Variants in CENPW observed in about 807,000 individuals in gnomAD.
CENPW encodes the protein cancer-up-regulated gene 2 protein.
In CENPW, 3 loss-of-function variants were observed where a neutral mutation model predicts 11.1. That is an observed-to-expected ratio of 0.27 (90% CI 0.12 to 0.70). The LOEUF is 0.70. CENPW is among the 30% of genes least tolerant of loss of function. The pLI, the probability that CENPW is intolerant of heterozygous loss-of-function variation, is 0.77. For synonymous variants in CENPW, 38 were observed against 42.0 expected (o/e 0.91, Z 0.37); for missense variants, 100 against 105.6 (o/e 0.95, Z 0.23).
the CENPW span, among the ~76,000 whole-genome samples, chr6:126,435,231 G>T: frequency 6.6e-6 from 1 of 151,438 alleles, no homozygotes; most frequent in Non-Finnish European, 1.5e-5. Flanking sequence ...GTTATTTCTT[G>T]GCCTCTGGAA....
the CENPW span, among the ~76,000 whole-genome samples, chr6:126,471,328 A>T: frequency 2.6e-5 from 4 of 152,110 alleles, no homozygotes; most frequent in African/African-American, 7.2e-5. Context: ...TCATGTGAAG[A>T]AGGTGCCTGC....
chr6:126,415,722 T>C, the CENPW span, among the ~76,000 whole-genome samples: 1 of 152,252 alleles, frequency 6.6e-6, no homozygotes, highest in East Asian at 1.9e-4. Flanking sequence ...AAGGGGAGTT[T>C]CCCTGCATAC....
At chr6:126,414,799 TA>T in the CENPW span, among the ~76,000 whole-genome samples, 35 of 146,660 alleles carry the variant, frequency 2.4e-4, no homozygotes, top group East Asian at 2.4e-3. Flanking sequence ...AAAATAAAAC[TA>T]AAAAAAAAGA....
At chr6:126,447,898 C>G in the CENPW span, among the ~76,000 whole-genome samples, 92 of 151,378 alleles carry the variant, frequency 6.1e-4, no homozygotes, top group South Asian at 0.019. Context: ...ATTCACTGTT[C>G]CACTTCTTGT....
At chr6:126,383,098 A>G in the CENPW span, among the ~76,000 whole-genome samples, 1 of 152,200 alleles carries the variant, frequency 6.6e-6, no homozygotes, top group Non-Finnish European at 1.5e-5. Flanking sequence ...CACAAGTCAG[A>G]AGAGATTGGG....
chr6:126,343,588 T>C (rs1780353463), intron 1 of CENPW, among the ~76,000 whole-genome samples: 1 of 152,126 alleles, frequency 6.6e-6, no homozygotes. Context: ...CAGCCTTCAG[T>C]CTGTGGTCGA....
At chr6:126,422,782 A>C in the CENPW span, among the ~76,000 whole-genome samples, 2 of 152,090 alleles carry the variant, frequency 1.3e-5, no homozygotes, top group African/African-American at 4.8e-5. Context: ...CTTCACCTGA[A>C]AACGTGCCTT....
the CENPW span, among the ~76,000 whole-genome samples, chr6:126,458,134 G>A: frequency 6.4e-4 from 96 of 151,130 alleles, no homozygotes; most frequent in African/African-American, 2.2e-3. Context: ...GCTTTCTTTC[G>A]CTTGTTTTAC....
chr6:126,386,713 C>T, the CENPW span, among the ~76,000 whole-genome samples: 2 of 151,864 alleles, frequency 1.3e-5, no homozygotes, highest in Non-Finnish European at 1.5e-5. Flanking sequence ...TTTATTCCCC[C>T]TCCACTGCCC....
chr6:126,403,583 G>A, the CENPW span, among the ~76,000 whole-genome samples: 1 of 152,104 alleles, frequency 6.6e-6, no homozygotes, highest in Non-Finnish European at 1.5e-5. Flanking sequence ...AGCTGTAGAG[G>A]AAAAGTTTGA....
chr6:126,360,098 C>T, the CENPW span, among the ~76,000 whole-genome samples: 2 of 152,168 alleles, frequency 1.3e-5, no homozygotes, highest in Admixed American at 1.3e-4. Context: ...CCCTTAAAGA[C>T]ATCTTATAAG....
chr6:126,408,239 A>C, the CENPW span, among the ~76,000 whole-genome samples: 1 of 152,188 alleles, frequency 6.6e-6, no homozygotes, highest in Non-Finnish European at 1.5e-5. Flanking sequence ...TAAAGAAAAC[A>C]TACTCAAGAC....
the CENPW span, among the ~76,000 whole-genome samples, chr6:126,398,060 G>T: frequency 3.3e-5 from 5 of 152,244 alleles, no homozygotes; most frequent in African/African-American, 1.2e-4. Flanking sequence ...GTGCATTCCA[G>T]TTTTTCTCAG....
the CENPW span, among the ~76,000 whole-genome samples, chr6:126,435,502 G>T: frequency 2.6e-5 from 4 of 151,770 alleles, no homozygotes; most frequent in Admixed American, 6.6e-5. Context: ...TATAGAAGGA[G>T]AAATTTGGGA....
At chr6:126,406,707 A>T in the CENPW span, among the ~76,000 whole-genome samples, 1 of 151,644 alleles carries the variant, frequency 6.6e-6, no homozygotes, top group African/African-American at 2.4e-5. Flanking sequence ...CAAAAATTAG[A>T]CAGGTGTGGT....
At chr6:126,402,804 T>G in the CENPW span, among the ~76,000 whole-genome samples, 1 of 152,116 alleles carries the variant, frequency 6.6e-6, no homozygotes, top group Non-Finnish European at 1.5e-5. Flanking sequence ...TTATTAATAA[T>G]GCTGCTATGA....
chr6:126,398,489 G>A, the CENPW span, among the ~76,000 whole-genome samples: 1 of 151,922 alleles, frequency 6.6e-6, no homozygotes, highest in Non-Finnish European at 1.5e-5. Flanking sequence ...ATATAAGATG[G>A]CATAGTATTT....
At chr6:126,392,800 CTGG>C in the CENPW span, among the ~76,000 whole-genome samples, 1 of 151,914 alleles carries the variant, frequency 6.6e-6, no homozygotes, top group Non-Finnish European at 1.5e-5. Context: ...CAGGGTAATA[CTGG>C]TCTCATAGAA....
the CENPW span, among the ~76,000 whole-genome samples, chr6:126,472,000 T>A: frequency 6.6e-6 from 1 of 152,214 alleles, no homozygotes; most frequent in Non-Finnish European, 1.5e-5. Context: ...AAGCTCATTT[T>A]AAAATAACTA....
Sources: gnomAD v4.1 joint callset for allele counts (sites outside exome capture counted in the v4.1 genomes callset) on GRCh38, gnomAD v4.1.1 for gene constraint, MANE v1.5 for transcripts, NCBI Gene and HGNC (gene_info 2026-07-23, HGNC 2026-07-21) for gene names.